RPH3A: variants seen among roughly 807,000 people sequenced by gnomAD.
RPH3A encodes the protein rabphilin 3A.
RPH3A carries 48 observed loss-of-function variants against 102.2 expected under a neutral mutation model. The observed-to-expected ratio is 0.47, with a 90% CI of 0.37 to 0.60. RPH3A has a LOEUF of 0.60. RPH3A is among the 20% of genes least tolerant of loss of function. The pLI is 0.00. For synonymous variants in RPH3A, 310 were observed against 324.3 expected (o/e 0.96, Z 0.47); for missense variants, 781 against 910.1 (o/e 0.86, Z 1.83).
intron 1 of RPH3A, among the ~76,000 whole-genome samples, chr12:112,738,198 A>AT (rs34485530): frequency 2.7e-5 from 4 of 149,260 alleles, no homozygotes; most frequent in Non-Finnish European, 3.0e-5. Context: ...TAATTAATTA[A>AT]TTTTTTTTTT....
At chr12:112,894,780 G>C (rs2043153271) in intron 20 of RPH3A, 121 bp downstream of exon 20, 1 of 808,100 alleles carries the variant, frequency 1.2e-6, no homozygotes, top group South Asian at 1.9e-5. Flanking sequence ...CATTTGAAAT[G>C]ATGATGTAGA....
intron 1 of RPH3A, among the ~76,000 whole-genome samples, chr12:112,736,663 C>T (rs1370565187): frequency 2.4e-4 from 36 of 152,118 alleles, no homozygotes; most frequent in Non-Finnish European, 5.9e-5. Flanking sequence ...TTAAAGCTGT[C>T]AGAATAGGGC....
At chr12:112,655,117 G>A (rs1477818867) in intron 1 of RPH3A, among the ~76,000 whole-genome samples, 1 of 152,218 alleles carries the variant, frequency 6.6e-6, no homozygotes, top group East Asian at 1.9e-4. Flanking sequence ...TCATTTTGTA[G>A]CCTGCAACAT....
At chr12:112,805,960 T>G (rs1165689190) in intron 2 of RPH3A, among the ~76,000 whole-genome samples, 1 of 152,218 alleles carries the variant, frequency 6.6e-6, no homozygotes, top group Non-Finnish European at 1.5e-5. Flanking sequence ...CTTGAATAAA[T>G]AACCCATTAG....
At chr12:112,716,026 A>T (rs1436925835) in intron 1 of RPH3A, among the ~76,000 whole-genome samples, 4 of 152,182 alleles carry the variant, frequency 2.6e-5, no homozygotes, top group Non-Finnish European at 4.4e-5. Context: ...GTAAACTGTT[A>T]TGGCACTGGT....
chr12:112,812,536 A>C (rs2041596411), intron 2 of RPH3A, among the ~76,000 whole-genome samples: 1 of 152,208 alleles, frequency 6.6e-6, no homozygotes, highest in Admixed American at 6.5e-5. Context: ...GGGTGTGAAA[A>C]AAGTTTTACA....
At chr12:112,865,341 A>G in intron 5 of RPH3A, 73 bp from the exon 6 acceptor site, 1 of 1,551,270 alleles carries the variant, frequency 6.4e-7, no homozygotes, top group Non-Finnish European at 8.8e-7. Flanking sequence ...GAAGACTATC[A>G]ACCTGACACT....
At position 112,869,880 on chromosome 12, in the gene RPH3A, C is replaced by T; in HGVS notation, c.650-13C>T. 6.2e-7 allele frequency: 1 copy of T among 1,614,044 alleles called. No individual in the cohort carries two copies. Among genetic ancestry groups the T allele is most frequent in the Non-Finnish European group, 8.5e-7 (1 of 1,179,954 alleles). On this transcript the variant is annotated splice_polypyrimidine_tract_variant and intron_variant, in intron 9 of 21. Transcript: ENST00000389385. ...ATGCCCTTTCTCTACTCAATTCATG[C>T]TCTTCTTTCCAGGCCCTGACCCAGC...
chr12:112,679,139 G>C (rs1289562196), intron 1 of RPH3A, among the ~76,000 whole-genome samples: 1 of 152,000 alleles, frequency 6.6e-6, no homozygotes, highest in Admixed American at 6.6e-5. Flanking sequence ...AGGATCTCTG[G>C]AGTTCCTTTA....
intron 1 of RPH3A, among the ~76,000 whole-genome samples, chr12:112,681,087 C>T (rs1465184753): frequency 6.6e-6 from 1 of 152,192 alleles, no homozygotes; most frequent in African/African-American, 2.4e-5. Flanking sequence ...CCCACTGCGT[C>T]CCTAACTGAG....
chr12:112,755,862 C>T (rs1011860139), intron 1 of RPH3A, among the ~76,000 whole-genome samples: 2 of 152,120 alleles, frequency 1.3e-5, no homozygotes, highest in South Asian at 2.1e-4. Context: ...GGCAGCATTA[C>T]TGGGGGAATG....
intron 1 of RPH3A, among the ~76,000 whole-genome samples, chr12:112,640,032 T>C (rs1438568958): frequency 3.9e-4 from 60 of 152,050 alleles, no homozygotes; most frequent in Non-Finnish European, 1.5e-5. Context: ...AAAGCAGGGC[T>C]CTGGCTGGCC....
chr12:112,730,249 C>T (rs1046426013), intron 1 of RPH3A, among the ~76,000 whole-genome samples: 3 of 152,206 alleles, frequency 2.0e-5, no homozygotes, highest in African/African-American at 2.4e-5. Flanking sequence ...GTAGGGTGAT[C>T]CTGCAGCCTG....
In RPH3A at chr12:112,578,000, C is replaced by T. The variant is rs188822079; in HGVS notation, c.-140+2681C>T. Among the ~76,000 whole-genome samples the T allele has an allele frequency of 3.9e-5, 6 of 152,254 alleles. No homozygotes were observed. The East Asian group carries it at 1.2e-3, about 29-fold the overall frequency. Reference sequence around the variant, plus strand: ...GAGATTCAGTCTCTTAGACACCTGCCTCAGGCAAGAAATCTCTCTTCCCCT... The same window carrying T: ...GAGATTCAGTCTCTTAGACACCTGCTTCAGGCAAGAAATCTCTCTTCCCCT... On this transcript the variant is annotated intron_variant, in intron 1 of 21. Coordinates refer to the RPH3A transcript ENST00000543106.
chr12:112,765,246 T>TTGTGTG (rs34294777), intron 1 of RPH3A, among the ~76,000 whole-genome samples: 3,930 of 141,724 alleles, frequency 0.028, 61 homozygotes, highest in Non-Finnish European at 0.039. Flanking sequence ...GTCATGGTGA[T>TTGTGTG]TGTGTGTGTG....
At chr12:112,811,879 C>T (rs147366509) in intron 2 of RPH3A, among the ~76,000 whole-genome samples, 12 of 152,118 alleles carry the variant, frequency 7.9e-5, no homozygotes, top group African/African-American at 2.2e-4. Context: ...TGAAGGGTCC[C>T]GCACATGGTG....
intron 3 of RPH3A, chr12:112,831,724 A>T (rs2091249774): frequency 2.2e-6 from 1 of 454,596 alleles, no homozygotes; most frequent in Non-Finnish European, 4.4e-6. Flanking sequence ...TAAAACATTG[A>T]TTTATCCCTT....
At chr12:112,863,367 G>A (rs975121185) in intron 5 of RPH3A, among the ~76,000 whole-genome samples, 1 of 152,196 alleles carries the variant, frequency 6.6e-6, no homozygotes, top group Non-Finnish European at 1.5e-5. Context: ...ACCCAGGCTG[G>A]AGTGCAGTGG....
upstream of RPH3A, among the ~76,000 whole-genome samples, chr12:112,788,060 C>T (rs975234656): frequency 2.6e-5 from 4 of 152,304 alleles, no homozygotes; most frequent in African/African-American, 9.6e-5. Context: ...GTGCCACAGG[C>T]TGGTGGAGTT....
Sources: gnomAD v4.1 joint callset for allele counts (sites outside exome capture counted in the v4.1 genomes callset) on GRCh38, gnomAD v4.1.1 for gene constraint, MANE v1.5 for transcripts, NCBI Gene and HGNC (gene_info 2026-07-23, HGNC 2026-07-21) for gene names.